Variants in EIF2AK4 observed in about 807,000 individuals in gnomAD.
The protein encoded by EIF2AK4 is eIF-2-alpha kinase GCN2.
Under a neutral mutation model 211.1 loss-of-function variants are expected in EIF2AK4, and 139 were observed. That is an observed-to-expected ratio of 0.66 (90% confidence interval 0.57 to 0.76). EIF2AK4 has a LOEUF of 0.76. Ranked by LOEUF, EIF2AK4 falls within the 30% of genes least tolerant of loss-of-function variation. The pLI, the probability that EIF2AK4 is intolerant of heterozygous loss-of-function variation, is 0.00. For missense variants in EIF2AK4, 1,664 were observed against 2,043.8 expected, an observed-to-expected ratio of 0.81 and a Z score of 3.58; for synonymous variants, 710 against 751.3, an observed-to-expected ratio of 0.94 and a Z score of 0.90.
intron 6 of EIF2AK4, among the ~76,000 whole-genome samples, chr15:39,960,895 G>A (rs532626964): frequency 1.1e-4 from 17 of 152,238 alleles, no homozygotes; most frequent in East Asian, 1.9e-4. Context: ...CTCTTGCCTC[G>A]TGTTCTCAGT....
At chr15:40,002,940 C>A (rs2035112292) in intron 22 of EIF2AK4, 152 bp downstream of exon 22, 4 of 1,082,734 alleles carry the variant, frequency 3.7e-6, no homozygotes, top group African/African-American at 3.2e-5. Flanking sequence ...ATTTTTGAAA[C>A]TGATTTGAAT....
intron 13 of EIF2AK4, among the ~76,000 whole-genome samples, chr15:39,984,669 A>G (rs1374321847): frequency 6.6e-5 from 10 of 152,196 alleles, no homozygotes; most frequent in Admixed American, 4.6e-4. Flanking sequence ...TTATTGGTGT[A>G]TAGGAATGTT....
chr15:39,949,020 T>C, intron 3 of EIF2AK4, 96 bp from the exon 4 acceptor site: 2 of 1,455,600 alleles, frequency 1.4e-6, no homozygotes, highest in Non-Finnish European at 1.9e-6. Context: ...TAAGTGGGCC[T>C]CTGACCGCCA....
intron 29 of EIF2AK4, among the ~76,000 whole-genome samples, chr15:40,017,501 C>CTTTTTA (rs1363648720): frequency 3.4e-4 from 9 of 26,126 alleles, no homozygotes; most frequent in African/African-American, 1.3e-3. Flanking sequence ...TACTCTGTTT[C>CTTTTTA]TATATATATA....
At position 40,008,203 on chromosome 15, in the gene EIF2AK4, T is replaced by C. The variant is rs947185563; in HGVS notation, c.3576+8T>C. On this transcript the variant is annotated splice_region_variant and intron_variant, in intron 25 of 38. Coordinates refer to ENST00000263791, the MANE Select transcript of EIF2AK4 (RefSeq NM_001013703.4). ...GAGTTTCCAGCACTTCAGGTTCCTT[T>C]CCATATTTTAACATTCCAAGATTCC... 1.3e-6 allele frequency: 2 copies of C among 1,584,744 alleles called. No homozygotes were observed. Among genetic ancestry groups the C allele is most frequent in the African/African-American group, 2.7e-5 (2 of 73,598 alleles).
chr15:39,944,759 A>C (rs1051020544), intron 3 of EIF2AK4, among the ~76,000 whole-genome samples: 1 of 152,160 alleles, frequency 6.6e-6, no homozygotes, highest in Non-Finnish European at 1.5e-5. Context: ...GAAAACTAAG[A>C]AGAGGTGCCC....
chr15:39,963,378 A>T (rs938965056), intron 7 of EIF2AK4, among the ~76,000 whole-genome samples: 1 of 152,216 alleles, frequency 6.6e-6, no homozygotes, highest in African/African-American at 2.4e-5. Flanking sequence ...TCTCACTGGT[A>T]CTCATTAGAC....
At chr15:39,952,560 G>A (rs1595545247) in intron 4 of EIF2AK4, among the ~76,000 whole-genome samples, 1 of 152,086 alleles carries the variant, frequency 6.6e-6, no homozygotes, top group South Asian at 2.1e-4. Flanking sequence ...ACAGGCATGA[G>A]CCACCGTGCC....
intron 26 of EIF2AK4, among the ~76,000 whole-genome samples, chr15:40,010,610 G>A (rs1183877528): frequency 1.1e-5 from 1 of 89,336 alleles, no homozygotes. Flanking sequence ...TCCAGGAGAT[G>A]TAAGAACTAA....
intron 22 of EIF2AK4, 53 bp downstream of exon 22, chr15:40,002,841 C>T: frequency 6.3e-7 from 1 of 1,579,414 alleles, no homozygotes; most frequent in Non-Finnish European, 8.7e-7. Flanking sequence ...CTTTTTTCAT[C>T]ATTAGAAAGT....
intron 9 of EIF2AK4, among the ~76,000 whole-genome samples, chr15:39,970,158 G>A (rs2034603501): frequency 6.6e-6 from 1 of 152,214 alleles, no homozygotes. Flanking sequence ...ATGAAGAAAT[G>A]TGGGTGTTGC....
At chr15:40,031,293 T>TA (rs1409533742) in intron 35 of EIF2AK4, among the ~76,000 whole-genome samples, 4 of 152,194 alleles carry the variant, frequency 2.6e-5, no homozygotes, top group African/African-American at 9.7e-5. Context: ...ATATGAATGT[T>TA]AGAGTATGCT....
At chr15:40,029,841 A>G (rs1253466219) in intron 34 of EIF2AK4, among the ~76,000 whole-genome samples, 1 of 152,238 alleles carries the variant, frequency 6.6e-6, no homozygotes, top group Non-Finnish European at 1.5e-5. Flanking sequence ...CGTGAAAGCC[A>G]AGAGGGCACA....
In EIF2AK4 at chr15:40,031,783, T is replaced by C. The variant is rs2035547304; in HGVS notation, c.4660-386T>C. Among the ~76,000 whole-genome samples, 2 of 151,858 alleles carry C rather than the reference T, an allele frequency of 1.3e-5. 1 individual carries two copies. Among genetic ancestry groups the C allele is most frequent in the South Asian group, 4.2e-4 (2 of 4,816 alleles). ...CTCTGTCACCCAGGCTGGAGTGCAG[T>C]GGTGCAACATCAGCTCACCACAACC... On this transcript the variant is annotated intron_variant, in intron 35 of 38. Coordinates refer to ENST00000263791, the MANE Select transcript of EIF2AK4 (RefSeq NM_001013703.4).
chr15:39,955,593 A>G (rs2034378576), intron 5 of EIF2AK4, 27 bp from the exon 6 acceptor site: 2 of 1,590,560 alleles, frequency 1.3e-6, no homozygotes, highest in South Asian at 2.4e-5. Context: ...CTTACATCTA[A>G]AGTAAGTTTT....
chr15:39,945,451 G>A (rs769042442), intron 3 of EIF2AK4, among the ~76,000 whole-genome samples: 19 of 152,212 alleles, frequency 1.2e-4, no homozygotes, highest in Non-Finnish European at 1.9e-4. Context: ...TGAATGCTGA[G>A]AAGAGATGAG....
chr15:39,967,629 G>T lies in EIF2AK4; in HGVS notation c.1303G>T (p.Ala435Ser). The change falls in exon 9 of 39, where the codon GCA (alanine) becomes TCA (serine). Residue 435 changes from alanine to serine, a missense_variant. Transcript: ENST00000263791. ...VLSASNVLVDAEGTVKITDYS... is the reference protein window; with the variant it reads ...VLSASNVLVDSEGTVKITDYS... ...GAGTGCATCTAATGTCTTGGTGGAT[G>T]CAGAAGGCACCGTCAAGATTACGGA... 6.2e-7 allele frequency: 1 copy of T among 1,614,168 alleles called. No homozygotes were observed. The highest frequency in any genetic ancestry group is 1.3e-5 in the African/African-American group (1 of 75,036).
intron 7 of EIF2AK4, 73 bp from the exon 8 acceptor site, chr15:39,965,613 T>C: frequency 1.9e-6 from 3 of 1,548,274 alleles, no homozygotes; most frequent in Non-Finnish European, 2.6e-6. Flanking sequence ...GAATGTGTAT[T>C]ACCCCCTCCC....
Position 39,972,998 on chromosome 15 carries a change from G to T in EIF2AK4, c.1644G>T (p.Val548=), listed in dbSNP as rs376514187. ...ATCCCCAGCCAAAAATGCCTCTAGTGGAACAAAGTCCTGAAGGTGAGTCTG... is the reference window on the plus strand; with the variant it reads ...ATCCCCAGCCAAAAATGCCTCTAGTTGAACAAAGTCCTGAAGGTGAGTCTG... ...FINPQPKMPL[V]EQSPEDSEGQ... The change falls in exon 10 of 39, where the codon GTG becomes GTT. Residue 548 remains valine (V), a synonymous_variant. Coordinates refer to ENST00000263791, the MANE Select transcript of EIF2AK4 (RefSeq NM_001013703.4). 1 of 1,613,866 alleles carries T rather than the reference G, an allele frequency of 6.2e-7. No homozygotes were observed. Among genetic ancestry groups the T allele is most frequent in the African/African-American group, 1.3e-5 (1 of 74,912 alleles).
Sources: allele counts gnomAD v4.1 joint callset (sites outside exome capture counted in the v4.1 genomes callset), GRCh38; gene constraint gnomAD v4.1.1; transcripts MANE v1.5; gene names NCBI Gene and HGNC (gene_info 2026-07-23, HGNC 2026-07-21).